The following AQP11 variants were observed in gnomAD, a reference collection of about 807,000 sequenced individuals.
AQP11 encodes aquaporin 11, also known as aquaporin-11.
AQP11 carries 20 observed loss-of-function variants against 21.1 expected under a neutral mutation model. That is an observed-to-expected ratio of 0.95 (90% CI 0.67 to 1.38). AQP11 has a LOEUF of 1.38. Among genes scored for constraint, AQP11 ranks in the 40% most tolerant of loss-of-function variants. The probability of loss-of-function intolerance (pLI) is 0.00; values close to 1 mark genes in which losing one functional copy is unlikely to be tolerated. For missense variants in AQP11, 339 were observed against 340.4 expected (o/e 1.00, Z 0.03); for synonymous variants, 167 against 150.1 (o/e 1.11, Z -0.82).
Position 77,606,243 on chromosome 11 carries a change from G to A in AQP11, c.736+2571G>A, listed in dbSNP as rs184089768. Among the ~76,000 whole-genome samples, 352 of 152,196 alleles carry A rather than the reference G, an allele frequency of 2.3e-3. 1 individual carries two copies. The highest frequency in any genetic ancestry group is 8.3e-3 in the African/African-American group (345 of 41,550). ...GGAATCTGAAGTAATGACAATCTCTGTAAAAGGACCTTGATTTTTTCTTAG... is the reference window on the plus strand; with the variant it reads ...GGAATCTGAAGTAATGACAATCTCTATAAAAGGACCTTGATTTTTTCTTAG... On this transcript the variant is annotated intron_variant, in intron 2 of 2. Transcript: ENST00000313578.
rs143240635 is a variant in AQP11, at chr11:77,590,771, G to A, written c.619+160G>A. The A allele has an allele frequency of 5.8e-4, 568 of 985,268 alleles. 3 individuals are homozygous for A. The African/African-American group carries it at 9.2e-3, about 16-fold the overall frequency. The allele number at this position is 985,268 out of a possible 1,614,324, so 61.0% of individuals were successfully genotyped here. A position where few individuals can be genotyped will look rare whatever the true frequency, so the allele number is the denominator to read the frequency against. ...TTTTGCAGCCCGTTCTTAACCAGTAGGGCCGACACGTAGAGCCTTCATGCA... is the reference window on the plus strand; with the variant it reads ...TTTTGCAGCCCGTTCTTAACCAGTAAGGCCGACACGTAGAGCCTTCATGCA... On this transcript the variant is annotated intron_variant, in intron 1 of 2. Coordinates refer to ENST00000313578, the MANE Select transcript of AQP11 (RefSeq NM_173039.3).
intron 1 of AQP11, 163 bp downstream of exon 1, chr11:77,590,774 C>T (rs950291081): frequency 4.1e-6 from 4 of 985,262 alleles, no homozygotes; most frequent in South Asian, 4.7e-5. Flanking sequence ...ACCAGTAGGG[C>T]CGACACGTAG....
rs1245476337 is a variant in AQP11 at position 77,590,116 on chromosome 11, C to G, written c.124C>G (p.Pro42Ala). Residue 42 changes from proline (P) to alanine (A), a missense_variant, in exon 1 of 3, where the codon CCG becomes GCG. Coordinates refer to ENST00000313578, the MANE Select transcript of AQP11 (RefSeq NM_173039.3). ...RVVARQQLHR[P>A]VAHAFVLEFL... ...AGTCGCCCGGCAGCAGCTGCACAGG[C>G]CGGTGGCCCACGCCTTCGTCCTGGA... The G allele has an allele frequency of 6.2e-7, 1 of 1,607,804 alleles. No homozygotes were observed. The highest frequency in any genetic ancestry group is 1.3e-5 in the African/African-American group (1 of 74,952).
At position 77,590,374 on chromosome 11, in the gene AQP11, G is replaced by T; in HGVS notation, c.382G>T (p.Ala128Ser). The stretch of plus-strand genomic sequence containing the variant: ...GAGGCTATTGGCTCAGCTGGTTAGT[G>T]CCCTGTGCAGCAGGTACTGCACAAG... ...AVRLLAQLVS[A>S]LCSRYCTSAL... The change falls in exon 1 of 3, where the codon GCC (alanine) becomes TCC (serine). Residue 128 changes from alanine (A) to serine (S), a missense_variant. Transcript: ENST00000313578. 1.9e-6 allele frequency: 3 copies of T among 1,613,818 alleles called. No homozygotes were observed. Among genetic ancestry groups the T allele is most frequent in the Non-Finnish European group, 2.5e-6 (3 of 1,179,974 alleles).
intron 1 of AQP11, among the ~76,000 whole-genome samples, chr11:77,597,009 TG>T (rs1590783597): frequency 6.6e-6 from 1 of 152,168 alleles, no homozygotes; most frequent in Non-Finnish European, 1.5e-5. Flanking sequence ...ACGAAGTACT[TG>T]GGAAATAATT....
At chr11:77,602,429 G>C (rs1958820634) in intron 1 of AQP11, among the ~76,000 whole-genome samples, 2 of 152,136 alleles carry the variant, frequency 1.3e-5, no homozygotes, top group African/African-American at 2.4e-5. Context: ...CTGCCAACCA[G>C]ACAATTCTGT....
intron 1 of AQP11, 58 bp from the exon 2 acceptor site, chr11:77,603,498 G>T: frequency 1.7e-6 from 2 of 1,204,940 alleles, no homozygotes; most frequent in South Asian, 3.2e-5. Context: ...TTTATTTCCA[G>T]TTACAAGGAA....
intron 1 of AQP11, among the ~76,000 whole-genome samples, chr11:77,601,561 GC>G (rs1958815831): frequency 6.6e-6 from 1 of 152,126 alleles, no homozygotes; most frequent in East Asian, 1.9e-4. Context: ...TGTTGCCTGA[GC>G]TCATTACAAA....
intron 1 of AQP11, among the ~76,000 whole-genome samples, chr11:77,592,094 C>G (rs568403846): frequency 1.9e-4 from 29 of 152,032 alleles, no homozygotes; most frequent in Non-Finnish European, 3.7e-4. Flanking sequence ...AAGAGAAATC[C>G]CATCTCTCCA....
At chr11:77,592,271 GAAAA>G (rs373492208) in intron 1 of AQP11, among the ~76,000 whole-genome samples, 1 of 137,190 alleles carries the variant, frequency 7.3e-6, no homozygotes, top group Non-Finnish European at 1.6e-5. Context: ...TGTCTCAAAA[GAAAA>G]AAAAAAAGAA....
At position 77,609,371 on chromosome 11, in the gene AQP11, G is replaced by A. The variant is rs1958864594; in HGVS notation, c.810G>A (p.Lys270=). ...WLHNNHTINK[K]E ...ATAACAACCATACAATTAATAAAAA[G>A]GAATAACTGTTCCAAAGACTCAGAC... Residue 270 remains lysine, a synonymous_variant, in exon 3 of 3, where the codon AAG becomes AAA. Coordinates refer to ENST00000313578, the MANE Select transcript of AQP11 (RefSeq NM_173039.3). The A allele has an allele frequency of 1.3e-5, 21 of 1,611,070 alleles. No homozygotes were observed. In the East Asian group the frequency reaches 4.5e-4, roughly 34 times the overall value.
intron 1 of AQP11, among the ~76,000 whole-genome samples, chr11:77,599,759 A>G (rs1407709963): frequency 6.8e-6 from 1 of 146,920 alleles, no homozygotes; most frequent in African/African-American, 2.5e-5. Flanking sequence ...CAATTTTTGT[A>G]TTTTTTGTAG....
Position 77,590,026 on chromosome 11 carries a change from C to A in AQP11, c.34C>A (p.Gln12Lys). Residue 12 changes from glutamine to lysine, a missense_variant, in exon 1 of 3, where the codon CAG (glutamine) becomes AAG (lysine). Physicochemically the swap from Gln to Lys is moderately conservative, Grantham distance 53. Transcript: ENST00000313578. The stretch of plus-strand genomic sequence containing the variant: ...GCTGCTGGGGCTCCGGTCCGAGCTG[C>A]AGGACACCTGCACCTCGCTGGGACT... ...SPLLGLRSEL[Q>K]DTCTSLGLML... 1 of 1,542,682 alleles carries A rather than the reference C, an allele frequency of 6.5e-7. No homozygotes were observed. Among genetic ancestry groups the A allele is most frequent in the Non-Finnish European group, 8.7e-7 (1 of 1,149,290 alleles).
At chr11:77,599,703 G>A (rs1958804238) in intron 1 of AQP11, among the ~76,000 whole-genome samples, 2 of 151,922 alleles carry the variant, frequency 1.3e-5, no homozygotes, top group African/African-American at 4.8e-5. Flanking sequence ...TCCCACCTCA[G>A]CCTCCCGAGT....
Position 77,596,309 on chromosome 11 carries a change from C to T in AQP11, c.619+5698C>T, listed in dbSNP as rs551245183. ...TACAAAAATGAGCCTGGCATGGTGG[C>T]GGGCGCCTGTAATCCCAGCTGCTTG... On this transcript the variant is annotated intron_variant, in intron 1 of 2. Transcript: ENST00000313578. Among the ~76,000 whole-genome samples the T allele has an allele frequency of 1.2e-3, 184 of 149,906 alleles. 1 individual carries two copies. Among genetic ancestry groups the T allele is most frequent in the Middle Eastern group, 3.5e-3 (1 of 286 alleles).
intron 1 of AQP11, among the ~76,000 whole-genome samples, chr11:77,598,687 A>G (rs753807428): frequency 1.6e-4 from 24 of 151,944 alleles, no homozygotes; most frequent in Non-Finnish European, 3.1e-4. Flanking sequence ...TTGTGTTACA[A>G]CCTTCCAAAC....
intron 1 of AQP11, among the ~76,000 whole-genome samples, chr11:77,598,550 A>G (rs546884059): frequency 6.6e-6 from 1 of 152,232 alleles, no homozygotes; most frequent in East Asian, 1.9e-4. Flanking sequence ...ACAATACGTG[A>G]TATGTTCTCT....
At chr11:77,600,125 ATTTTT>A (rs35426110) in intron 1 of AQP11, among the ~76,000 whole-genome samples, 2 of 129,696 alleles carry the variant, frequency 1.5e-5, no homozygotes, top group Admixed American at 8.0e-5. Flanking sequence ...ATGCCCAGCT[ATTTTT>A]TTTTTTTTTT....
chr11:77,599,709 C>T (rs897015569), intron 1 of AQP11, among the ~76,000 whole-genome samples: 30 of 152,042 alleles, frequency 2.0e-4, no homozygotes, highest in African/African-American at 6.0e-4. Context: ...CTCAGCCTCC[C>T]GAGTAGCTGG....
Sources: allele counts gnomAD v4.1 joint callset (sites outside exome capture counted in the v4.1 genomes callset), GRCh38; gene constraint gnomAD v4.1.1; transcripts MANE v1.5; gene names NCBI Gene and HGNC (gene_info 2026-07-23, HGNC 2026-07-21).